The following KLRD1 variants were observed in gnomAD, a reference collection of about 807,000 sequenced individuals.
KLRD1 encodes the protein killer cell lectin like receptor D1, also known as natural killer cells antigen CD94.
In KLRD1, 21 loss-of-function variants were observed where a neutral mutation model predicts 22.6. That is an observed-to-expected ratio of 0.93 (90% CI 0.66 to 1.34). The LOEUF is 1.34. Among genes scored for constraint, KLRD1 ranks in the 40% most tolerant of loss-of-function variants. The probability of loss-of-function intolerance (pLI) is 0.00; values close to 1 mark genes in which losing one functional copy is unlikely to be tolerated. For synonymous variants in KLRD1, 59 were observed against 71.1 expected (o/e 0.83, Z 0.85); for missense variants, 183 against 208.6 (o/e 0.88, Z 0.76).
chr12:10,312,509 G>C (rs1281858821), intron 4 of KLRD1, among the ~76,000 whole-genome samples: 1 of 151,704 alleles, frequency 6.6e-6, no homozygotes, highest in African/African-American at 2.4e-5. Flanking sequence ...CTCCCGAGTA[G>C]CTGGGACTAC....
intron 1 of KLRD1, among the ~76,000 whole-genome samples, chr12:10,277,786 A>G (rs1185687964): frequency 6.6e-6 from 1 of 152,134 alleles, no homozygotes; most frequent in East Asian, 1.9e-4. Context: ...AGTAGACTTT[A>G]TGTTTTAGAA....
chr12:10,301,977 C>A (rs1381371091), upstream of KLRD1, among the ~76,000 whole-genome samples: 2 of 152,110 alleles, frequency 1.3e-5, no homozygotes, highest in Non-Finnish European at 2.9e-5. Flanking sequence ...GTCAGTGGAG[C>A]AGAACACACA....
intron 4 of KLRD1, among the ~76,000 whole-genome samples, chr12:10,312,783 C>T (rs188170833): frequency 6.6e-6 from 1 of 150,952 alleles, no homozygotes; most frequent in East Asian, 2.0e-4. Flanking sequence ...GTCAGGAGAT[C>T]GAGACCATCC....
At chr12:10,312,523 C>T (rs1369320827) in intron 4 of KLRD1, among the ~76,000 whole-genome samples, 1 of 151,566 alleles carries the variant, frequency 6.6e-6, no homozygotes, top group Non-Finnish European at 1.5e-5. Flanking sequence ...GGACTACAGG[C>T]GCCCACAACC....
chr12:10,305,011 C>G (rs1004944446), upstream of KLRD1, among the ~76,000 whole-genome samples: 1 of 152,070 alleles, frequency 6.6e-6, no homozygotes, highest in African/African-American at 2.4e-5. Context: ...TAAATTTTTC[C>G]CTTGGGGATA....
chr12:10,315,238 C>G lies in KLRD1; in HGVS notation c.*445C>G, dbSNP rs189568080. 1 of 425,770 alleles carries G rather than the reference C, an allele frequency of 2.3e-6. No individual in the cohort carries two copies. Among genetic ancestry groups the G allele is most frequent in the Admixed American group, 2.6e-5 (1 of 38,418 alleles). The allele number at this position is 425,770 out of a possible 1,614,324, so 26.4% of individuals were successfully genotyped here. ...AGCTCAAGTGATCCTCCTGACTCAG[C>G]CTCCCAAGTAGCTAGGACTGCAGGC... On this transcript the variant is annotated 3_prime_UTR_variant, in exon 6 of 6. Transcript: ENST00000336164.
At chr12:10,313,068 C>A (rs1950134253) in intron 4 of KLRD1, among the ~76,000 whole-genome samples, 1 of 151,988 alleles carries the variant, frequency 6.6e-6, no homozygotes, top group Non-Finnish European at 1.5e-5. Flanking sequence ...GTAGATTATA[C>A]CCATGGGATT....
intron 1 of KLRD1, among the ~76,000 whole-genome samples, chr12:10,292,214 A>G (rs1949776825): frequency 6.6e-6 from 1 of 152,154 alleles, no homozygotes; most frequent in Non-Finnish European, 1.5e-5. Context: ...ATTGGAATCA[A>G]CTTCTTCTAA....
At chr12:10,242,734 A>T (rs1419567372) in intron 1 of KLRD1, among the ~76,000 whole-genome samples, 1 of 152,154 alleles carries the variant, frequency 6.6e-6, no homozygotes, top group Non-Finnish European at 1.5e-5. Flanking sequence ...GATAATAGCC[A>T]GTCTGTAGGA....
chr12:10,309,764 G>A, intron 3 of KLRD1, 76 bp downstream of exon 3: 1 of 994,462 alleles, frequency 1.0e-6, no homozygotes, highest in Non-Finnish European at 1.6e-6. Context: ...ACACAGAGAG[G>A]CATGATGGAA....
chr12:10,301,120 G>A (rs1949862675), upstream of KLRD1, among the ~76,000 whole-genome samples: 1 of 152,128 alleles, frequency 6.6e-6, no homozygotes, highest in South Asian at 2.1e-4. Context: ...AATGAAGGGG[G>A]AAAAATCCAA....
chr12:10,305,002 A>G (rs895496687), upstream of KLRD1, among the ~76,000 whole-genome samples: 1 of 152,236 alleles, frequency 6.6e-6, no homozygotes, highest in Non-Finnish European at 1.5e-5. Flanking sequence ...AGATCAAAAT[A>G]AATTTTTCCC....
chr12:10,290,455 G>T (rs1949757296), intron 1 of KLRD1, among the ~76,000 whole-genome samples: 1 of 152,136 alleles, frequency 6.6e-6, no homozygotes, highest in African/African-American at 2.4e-5. Flanking sequence ...ATAATCAGAG[G>T]TAGAAAGAAT....
intron 1 of KLRD1, among the ~76,000 whole-genome samples, chr12:10,276,875 A>G (rs538514329): frequency 1.8e-4 from 27 of 152,268 alleles, no homozygotes; most frequent in African/African-American, 6.3e-4. Context: ...TTTTCTGCAT[A>G]CTTAGTGACA....
chr12:10,261,785 T>C (rs1258870209), intron 1 of KLRD1, among the ~76,000 whole-genome samples: 2 of 152,178 alleles, frequency 1.3e-5, no homozygotes, highest in Non-Finnish European at 1.5e-5. Flanking sequence ...GTCTTGGTTT[T>C]CTTATTAATA....
chr12:10,312,714 G>A (rs1482359027), intron 4 of KLRD1, among the ~76,000 whole-genome samples: 1 of 151,310 alleles, frequency 6.6e-6, no homozygotes, highest in Non-Finnish European at 1.5e-5. Flanking sequence ...GTGCGGCCGG[G>A]CGCAGTGGCT....
At chr12:10,265,324 T>A (rs1484616869) in intron 1 of KLRD1, among the ~76,000 whole-genome samples, 1 of 152,204 alleles carries the variant, frequency 6.6e-6, no homozygotes, top group Non-Finnish European at 1.5e-5. Flanking sequence ...TATATTTACT[T>A]CATAAACTTA....
intron 1 of KLRD1, among the ~76,000 whole-genome samples, chr12:10,275,233 T>A (rs891234012): frequency 6.6e-6 from 1 of 152,198 alleles, no homozygotes; most frequent in African/African-American, 2.4e-5. Context: ...CTGGTTCTTT[T>A]TCGGGTACTT....
intron 1 of KLRD1, among the ~76,000 whole-genome samples, chr12:10,298,830 G>T (rs1240147528): frequency 3.3e-5 from 5 of 152,188 alleles, no homozygotes; most frequent in African/African-American, 1.2e-4. Context: ...CTGGCTTGCT[G>T]TTAATAAATA....
Sources: allele counts gnomAD v4.1 joint callset (sites outside exome capture counted in the v4.1 genomes callset), GRCh38; gene constraint gnomAD v4.1.1; transcripts MANE v1.5; gene names NCBI Gene and HGNC (gene_info 2026-07-23, HGNC 2026-07-21).